Variants in PSMG2 observed in about 807,000 individuals in gnomAD.
PSMG2 encodes the protein CD40 ligand-activated specific transcript 3.
A neutral mutation model predicts 31.5 loss-of-function variants in PSMG2; 21 were observed. That is an observed-to-expected ratio of 0.67 (90% CI 0.47 to 0.96). PSMG2 has a LOEUF of 0.96. Among genes scored for constraint, PSMG2 ranks in the 40% least tolerant of loss-of-function variants. The probability of loss-of-function intolerance (pLI) is 0.00; values close to 1 mark genes in which losing one functional copy is unlikely to be tolerated. For synonymous variants in PSMG2, 120 were observed against 110.4 expected (o/e 1.09, Z -0.54); for missense variants, 318 against 321.2 (o/e 0.99, Z 0.08).
At chr18:12,709,368 A>G (rs2040305417) in intron 2 of PSMG2, among the ~76,000 whole-genome samples, 1 of 144,860 alleles carries the variant, frequency 6.9e-6, no homozygotes, top group Non-Finnish European at 1.5e-5. Flanking sequence ...ACTCCGTCAC[A>G]CAGGCTGGAG....
intron 1 of PSMG2, among the ~76,000 whole-genome samples, chr18:12,660,315 G>T (rs142347809): frequency 6.4e-5 from 9 of 140,636 alleles, no homozygotes; most frequent in African/African-American, 2.5e-4. Flanking sequence ...AATGGAAAAA[G>T]ATGCATTTTT....
intron 1 of PSMG2, among the ~76,000 whole-genome samples, chr18:12,681,833 A>G (rs2039359502): frequency 1.3e-5 from 2 of 152,074 alleles, no homozygotes. Flanking sequence ...AGACCTATAA[A>G]AAAATAGAAA....
chr18:12,666,669 C>T (rs1391613427), intron 1 of PSMG2, among the ~76,000 whole-genome samples: 1 of 151,292 alleles, frequency 6.6e-6, no homozygotes, highest in Non-Finnish European at 1.5e-5. Flanking sequence ...AAACTGGTCT[C>T]GAACTCCTCA....
At chr18:12,691,541 C>T in intron 1 of PSMG2, 1 of 1,333,782 alleles carries the variant, frequency 7.5e-7, no homozygotes, top group African/African-American at 1.5e-5. Flanking sequence ...TTAATTACTA[C>T]AAAATATGTA....
At chr18:12,673,436 C>T (rs1186610553) in intron 1 of PSMG2, 2 of 1,600,058 alleles carry the variant, frequency 1.2e-6, no homozygotes, top group African/African-American at 2.7e-5. Flanking sequence ...TAAGTAAATA[C>T]TCGGACACGA....
upstream of PSMG2, chr18:12,702,440 G>C (rs377033494): frequency 6.8e-7 from 1 of 1,462,006 alleles, no homozygotes; most frequent in Admixed American, 1.7e-5. Flanking sequence ...GGAGGGAAAG[G>C]TTATGGGTCG....
In PSMG2 at chr18:12,672,595, G is replaced by A. The variant is rs143222244; in HGVS notation, c.-37+13822G>A. 261 of 926,460 alleles carry A rather than the reference G, an allele frequency of 2.8e-4. No homozygotes were observed. The African/African-American group carries it at 4.4e-3, about 16-fold the overall frequency. The allele number at this position is 926,460 out of a possible 1,614,324, so 57.4% of individuals were successfully genotyped here. The stretch of plus-strand genomic sequence containing the variant: ...TTCAGAAGATAGAATCCATGAAGAG[G>A]CTAATAATGAATCCTCTGACCACAG... On this transcript the variant is annotated intron_variant, in intron 1 of 6. Transcript: ENST00000585331.
intron 1 of PSMG2, among the ~76,000 whole-genome samples, chr18:12,683,317 A>G (rs1243563106): frequency 1.3e-5 from 2 of 151,476 alleles, no homozygotes; most frequent in Admixed American, 6.6e-5. Flanking sequence ...GTGACACTGC[A>G]CTCCAGCCTG....
intron 1 of PSMG2, among the ~76,000 whole-genome samples, chr18:12,673,739 C>T (rs940439145): frequency 2.6e-5 from 4 of 151,870 alleles, no homozygotes; most frequent in African/African-American, 9.7e-5. Flanking sequence ...AAATTAGCCG[C>T]GTGTGGTGGC....
At chr18:12,717,115 ATT>A (rs113773660) in intron 3 of PSMG2, among the ~76,000 whole-genome samples, 7 of 141,958 alleles carry the variant, frequency 4.9e-5, no homozygotes, top group Admixed American at 7.1e-5. Flanking sequence ...ATGTGTAATA[ATT>A]TTTTTTTTTT....
intron 1 of PSMG2, among the ~76,000 whole-genome samples, chr18:12,694,317 A>C (rs1307982785): frequency 6.6e-6 from 1 of 152,214 alleles, no homozygotes; most frequent in Non-Finnish European, 1.5e-5. Flanking sequence ...ACAATATGAC[A>C]GGCAGGGTGG....
upstream of PSMG2, chr18:12,702,721 A>C: frequency 1.5e-6 from 1 of 680,930 alleles, no homozygotes; most frequent in Non-Finnish European, 2.3e-6. Flanking sequence ...CTGACCTGGA[A>C]ATGAGGCCCC....
chr18:12,719,245 TGCCTAAAGGGTA>T (rs2040406792), intron 4 of PSMG2, among the ~76,000 whole-genome samples: 2 of 152,056 alleles, frequency 1.3e-5, no homozygotes, highest in Non-Finnish European at 2.9e-5. Flanking sequence ...GAAATCCACT[TGCCTAAAGGGTA>T]GCTCCCTGGC....
intron 1 of PSMG2, among the ~76,000 whole-genome samples, chr18:12,704,616 A>G (rs1320897462): frequency 6.6e-6 from 1 of 152,166 alleles, no homozygotes; most frequent in African/African-American, 2.4e-5. Context: ...TAAGAGATAA[A>G]GTTTCTGCTT....
intron 1 of PSMG2, among the ~76,000 whole-genome samples, chr18:12,661,120 C>A (rs1330319241): frequency 6.6e-6 from 1 of 152,052 alleles, no homozygotes; most frequent in Non-Finnish European, 1.5e-5. Flanking sequence ...CCAGCCTGGC[C>A]AACATGGCAA....
At chr18:12,700,887 AC>A, upstream of PSMG2, 1 of 1,275,260 alleles carries the variant, frequency 7.8e-7, no homozygotes. Context: ...CCACATCGGA[AC>A]CTTATAAGTA....
At chr18:12,673,394 A>G (rs1252941027) in intron 1 of PSMG2, 1 of 1,607,612 alleles carries the variant, frequency 6.2e-7, no homozygotes, top group African/African-American at 1.3e-5. Context: ...TTACAAGCAA[A>G]CATGATCCAA....
chr18:12,721,882 A>C (rs1014635699), intron 5 of PSMG2, among the ~76,000 whole-genome samples: 2 of 151,496 alleles, frequency 1.3e-5, no homozygotes, highest in African/African-American at 4.9e-5. Context: ...TTTTCCTCTT[A>C]GTGCTGTTTT....
chr18:12,719,542 C>T (rs765294607), intron 4 of PSMG2, among the ~76,000 whole-genome samples: 16 of 151,758 alleles, frequency 1.1e-4, no homozygotes, highest in Non-Finnish European at 1.0e-4. Flanking sequence ...TACCTGCCGC[C>T]ACGCCAGACT....
Sources: allele counts gnomAD v4.1 joint callset (sites outside exome capture counted in the v4.1 genomes callset), GRCh38; gene constraint gnomAD v4.1.1; transcripts MANE v1.5; gene names NCBI Gene and HGNC (gene_info 2026-07-23, HGNC 2026-07-21).